DISC1: variants seen among roughly 807,000 people sequenced by gnomAD.
The protein encoded by DISC1 is DISC1 scaffold protein.
Under a neutral mutation model 84.5 loss-of-function variants are expected in DISC1, and 57 were observed. The ratio of observed to expected loss-of-function variants is 0.67; its 90% CI spans 0.55 to 0.84. The LOEUF (loss-of-function observed/expected upper bound fraction) is 0.84, where lower values mean the gene tolerates loss of function less well. Among genes scored for constraint, DISC1 ranks in the 40% least tolerant of loss-of-function variants. The pLI, the probability that DISC1 is intolerant of heterozygous loss-of-function variation, is 0.00. For synonymous variants in DISC1, 411 were observed against 415.2 expected (o/e 0.99, Z 0.12); for missense variants, 1,000 against 1,057.8 (o/e 0.95, Z 0.76).
chr1:231,879,972 C>T (rs1051233728), intron 9 of DISC1, among the ~76,000 whole-genome samples: 2 of 152,142 alleles, frequency 1.3e-5, no homozygotes, highest in African/African-American at 4.8e-5. Flanking sequence ...TGGGTGAGTA[C>T]TATGGTTTGA....
At chr1:231,697,129 A>G (rs918652390) in intron 2 of DISC1, among the ~76,000 whole-genome samples, 1 of 152,174 alleles carries the variant, frequency 6.6e-6, no homozygotes, top group African/African-American at 2.4e-5. Context: ...GAGGCCCCAG[A>G]CTGCTCACTG....
intron 1 of DISC1, among the ~76,000 whole-genome samples, chr1:231,666,376 TA>T (rs1316681507): frequency 4.8e-5 from 7 of 145,946 alleles, no homozygotes; most frequent in Admixed American, 4.8e-4. Flanking sequence ...AAGACTAGGA[TA>T]ATAAGGAGAG....
intron 2 of DISC1, 99 bp downstream of exon 2, chr1:231,694,904 TC>T: frequency 6.5e-7 from 1 of 1,531,958 alleles, no homozygotes; most frequent in Non-Finnish European, 8.8e-7. Flanking sequence ...TCAACTGACT[TC>T]CTCCTGGAAG....
At chr1:231,855,689 A>C (rs774197576) in intron 9 of DISC1, among the ~76,000 whole-genome samples, 3 of 152,102 alleles carry the variant, frequency 2.0e-5, no homozygotes, top group Non-Finnish European at 2.9e-5. Flanking sequence ...CCATGAAATG[A>C]CTTTAAGGGT....
intron 3 of DISC1, chr1:231,745,536 C>A (rs1339437761): frequency 2.2e-5 from 4 of 181,944 alleles, no homozygotes; most frequent in Non-Finnish European, 4.9e-5. Context: ...CATTCATTAT[C>A]TTTTTGTGTT....
chr1:231,762,238 CT>C (rs1372621360), intron 4 of DISC1, among the ~76,000 whole-genome samples: 1 of 20,684 alleles, frequency 4.8e-5, no homozygotes, highest in South Asian at 2.0e-3. Context: ...CTTTTCTTTT[CT>C]TTTCTTTTCT....
intron 1 of DISC1, among the ~76,000 whole-genome samples, chr1:231,651,130 G>T (rs969614560): frequency 1.3e-5 from 2 of 152,142 alleles, no homozygotes; most frequent in Non-Finnish European, 2.9e-5. Flanking sequence ...GTGATCCTTT[G>T]GAGGAGAAGA....
intron 9 of DISC1, among the ~76,000 whole-genome samples, chr1:231,909,715 T>C (rs563902571): frequency 4.6e-5 from 7 of 152,370 alleles, no homozygotes; most frequent in African/African-American, 1.2e-4. Context: ...TTCCTTCTTT[T>C]TCTATTGATT....
At chr1:231,984,169 A>G (rs191256472) in intron 10 of DISC1, among the ~76,000 whole-genome samples, 21 of 152,372 alleles carry the variant, frequency 1.4e-4, no homozygotes, top group Admixed American at 1.3e-3. Flanking sequence ...CTTTGCAGTC[A>G]GTCCTTCTGT....
intron 9 of DISC1, among the ~76,000 whole-genome samples, chr1:231,950,956 G>T (rs1658262638): frequency 6.6e-6 from 1 of 152,182 alleles, no homozygotes; most frequent in Non-Finnish European, 1.5e-5. Context: ...CAATGGGGCA[G>T]AACTCTCTGA....
chr1:231,744,992 G>C (rs914357838), intron 3 of DISC1, among the ~76,000 whole-genome samples: 2 of 151,668 alleles, frequency 1.3e-5, no homozygotes, highest in Non-Finnish European at 2.9e-5. Context: ...TTTATAACTT[G>C]TATAACATTT....
chr1:231,914,876 G>C (rs1271809095), intron 9 of DISC1, among the ~76,000 whole-genome samples: 3 of 152,234 alleles, frequency 2.0e-5, no homozygotes, highest in African/African-American at 7.2e-5. Context: ...TGATAGTCAA[G>C]ACAGGAATGT....
At chr1:231,627,000 G>C in intron 1 of DISC1, 66 bp downstream of exon 1, 1 of 1,198,998 alleles carries the variant, frequency 8.3e-7, no homozygotes, top group Non-Finnish European at 1.1e-6. Flanking sequence ...GCGCGCTCTG[G>C]CCCCCAGGAA....
chr1:232,023,493 A>T (rs1669156986), intron 11 of DISC1, among the ~76,000 whole-genome samples: 1 of 152,188 alleles, frequency 6.6e-6, no homozygotes, highest in African/African-American at 2.4e-5. Flanking sequence ...AGATTCCAGG[A>T]AAGGAAATTA....
At position 232,026,570 on chromosome 1, in the gene DISC1, C is replaced by CA; in HGVS notation, c.2425+19dup. The CA allele has an allele frequency of 1.9e-6, 3 of 1,543,268 alleles. No homozygotes were observed. Among genetic ancestry groups the CA allele is most frequent in the Non-Finnish European group, 2.7e-6 (3 of 1,127,364 alleles). On this transcript the variant is annotated intron_variant, in intron 12 of 12. Coordinates refer to ENST00000439617, the MANE Select transcript of DISC1 (RefSeq NM_018662.3). ...TCTCATTCATATCCTTTTCATCTTG[C>CA]AGATGAAGCAAGGCAAAGTTATTTT... is the stretch of plus-strand genomic sequence containing the variant.
At chr1:231,632,425 C>T (rs532643637) in intron 1 of DISC1, among the ~76,000 whole-genome samples, 108 of 152,252 alleles carry the variant, frequency 7.1e-4, no homozygotes, top group African/African-American at 1.6e-3. Context: ...GGACATTTAC[C>T]GTTTATTTTC....
intron 10 of DISC1, chr1:231,959,173 C>T (rs1476648258): frequency 2.8e-6 from 3 of 1,082,834 alleles, no homozygotes; most frequent in East Asian, 6.8e-5. Flanking sequence ...ATATTAAATT[C>T]AGAATTCATT....
At chr1:231,881,757 A>G (rs1210151865) in intron 9 of DISC1, among the ~76,000 whole-genome samples, 3 of 69,356 alleles carry the variant, frequency 4.3e-5, no homozygotes, top group South Asian at 1.6e-3. Flanking sequence ...CGATCAGTCA[A>G]AGTTTCCAGA....
intron 6 of DISC1, among the ~76,000 whole-genome samples, chr1:231,779,549 G>GTTTTTTTTT (rs762129889): frequency 1.9e-5 from 1 of 53,570 alleles, no homozygotes; most frequent in Non-Finnish European, 3.4e-5. Context: ...ACCTATTCTT[G>GTTTTTTTTT]TTTTTTTTTT....
Sources: gnomAD v4.1 joint callset for allele counts (sites outside exome capture counted in the v4.1 genomes callset) on GRCh38, gnomAD v4.1.1 for gene constraint, MANE v1.5 for transcripts, NCBI Gene and HGNC (gene_info 2026-07-23, HGNC 2026-07-21) for gene names.